CFAP299: variants seen among roughly 807,000 people sequenced by gnomAD.
The protein encoded by CFAP299 is cilia- and flagella-associated protein 299.
CFAP299 carries 21 observed loss-of-function variants against 27.0 expected under a neutral mutation model. The ratio of observed to expected loss-of-function variants is 0.78; its 90% CI spans 0.55 to 1.12. CFAP299 has a LOEUF of 1.12. Ranked by LOEUF, CFAP299 falls within the 50% of genes most tolerant of loss-of-function variation. CFAP299 has a pLI of 0.00. For synonymous variants in CFAP299, 104 were observed against 98.1 expected (o/e 1.06, Z -0.36); for missense variants, 310 against 276.6 (o/e 1.12, Z -0.86).
intron 3 of CFAP299, among the ~76,000 whole-genome samples, chr4:80,697,304 T>G (rs1721165550): frequency 6.6e-6 from 1 of 152,182 alleles, no homozygotes; most frequent in East Asian, 1.9e-4. Flanking sequence ...AAACCTATCT[T>G]TAACCTATCT....
At chr4:80,348,922 C>T (rs1205388857) in intron 1 of CFAP299, among the ~76,000 whole-genome samples, 1 of 152,130 alleles carries the variant, frequency 6.6e-6, no homozygotes, top group Admixed American at 6.5e-5. Flanking sequence ...CATGAGTGCA[C>T]ATAATTTATT....
At position 80,628,103 on chromosome 4, in the gene CFAP299, A is replaced by T. The variant is rs529564978; in HGVS notation, c.333+44920A>T. ...CAAAATATGTTACAAAGCTATAGTGACCAAAACAGCATGGTACTGGCATAA... is the reference window on the plus strand; with the variant it reads ...CAAAATATGTTACAAAGCTATAGTGTCCAAAACAGCATGGTACTGGCATAA... On this transcript the variant is annotated intron_variant, in intron 3 of 5. Transcript: ENST00000358105. Among the ~76,000 whole-genome samples the T allele has an allele frequency of 2.2e-3, 328 of 152,240 alleles. 2 individuals are homozygous for T. Among genetic ancestry groups the T allele is most frequent in the Middle Eastern group, 0.014 (4 of 294 alleles).
At chr4:80,470,805 T>C (rs1729956147) in intron 2 of CFAP299, among the ~76,000 whole-genome samples, 1 of 152,054 alleles carries the variant, frequency 6.6e-6, no homozygotes, top group Non-Finnish European at 1.5e-5. Flanking sequence ...ACTGAGAAAA[T>C]AGGATAGGGT....
intron 3 of CFAP299, among the ~76,000 whole-genome samples, chr4:80,738,443 A>G (rs1264038561): frequency 6.6e-6 from 1 of 152,064 alleles, no homozygotes; most frequent in Non-Finnish European, 1.5e-5. Flanking sequence ...TAAGATCACT[A>G]TATCCTCTGG....
chr4:80,493,844 C>T (rs370767619), intron 2 of CFAP299, among the ~76,000 whole-genome samples: 17 of 136,824 alleles, frequency 1.2e-4, no homozygotes, highest in Middle Eastern at 3.6e-3. Flanking sequence ...GGCGCAATCT[C>T]GGCTCACTAC....
intron 3 of CFAP299, among the ~76,000 whole-genome samples, chr4:80,650,203 T>C (rs1300047728): frequency 6.6e-6 from 1 of 152,092 alleles, no homozygotes; most frequent in African/African-American, 2.4e-5. Context: ...AATTATACTT[T>C]TTGTGCATTG....
At chr4:80,705,893 C>T (rs1171269474) in intron 3 of CFAP299, among the ~76,000 whole-genome samples, 1 of 151,784 alleles carries the variant, frequency 6.6e-6, no homozygotes, top group Non-Finnish European at 1.5e-5. Flanking sequence ...TTTATCTCCA[C>T]TATGATTGTT....
intron 5 of CFAP299, among the ~76,000 whole-genome samples, chr4:80,957,470 G>A (rs1738127956): frequency 6.6e-6 from 1 of 152,080 alleles, no homozygotes; most frequent in Admixed American, 6.6e-5. Flanking sequence ...ATATGGCAAA[G>A]ATTTTTAACT....
At chr4:80,578,120 A>T (rs906273265) in intron 2 of CFAP299, among the ~76,000 whole-genome samples, 2 of 152,216 alleles carry the variant, frequency 1.3e-5, no homozygotes, top group Admixed American at 1.3e-4. Context: ...GTGGAGTATG[A>T]ACAATAAAGA....
intron 3 of CFAP299, among the ~76,000 whole-genome samples, chr4:80,759,399 G>A (rs932659850): frequency 6.6e-6 from 1 of 152,140 alleles, no homozygotes; most frequent in African/African-American, 2.4e-5. Context: ...AGCTTTAAAT[G>A]CCCTGGTTGT....
chr4:80,453,996 T>A (rs1729026562), intron 2 of CFAP299, among the ~76,000 whole-genome samples: 1 of 152,070 alleles, frequency 6.6e-6, no homozygotes, highest in South Asian at 2.1e-4. Context: ...AGCATACTGA[T>A]CACGTGTTGT....
At chr4:80,363,080 G>A (rs1161636676) in intron 2 of CFAP299, among the ~76,000 whole-genome samples, 196 bp downstream of exon 2, 6 of 152,122 alleles carry the variant, frequency 3.9e-5, no homozygotes, top group Admixed American at 2.0e-4. Context: ...GCAACTTCAA[G>A]CTACTAATTT....
chr4:80,608,496 C>T (rs558948394), intron 3 of CFAP299: 1 of 567,214 alleles, frequency 1.8e-6, no homozygotes, highest in South Asian at 2.8e-5. Context: ...GAATTACTCA[C>T]CAGCTTGATG....
chr4:80,397,275 T>A (rs1395072454), intron 2 of CFAP299, among the ~76,000 whole-genome samples: 1 of 152,200 alleles, frequency 6.6e-6, no homozygotes, highest in Non-Finnish European at 1.5e-5. Context: ...CTCTCTTTTC[T>A]TCTTTATTGG....
intron 2 of CFAP299, among the ~76,000 whole-genome samples, chr4:80,547,908 C>T (rs1734320016): frequency 1.3e-5 from 2 of 152,076 alleles, no homozygotes; most frequent in South Asian, 4.2e-4. Context: ...GAAAAGGGAA[C>T]ACCTATACTC....
intron 4 of CFAP299, among the ~76,000 whole-genome samples, chr4:80,902,334 T>C (rs934927955): frequency 1.6e-4 from 24 of 147,224 alleles, no homozygotes; most frequent in Admixed American, 9.6e-4. Flanking sequence ...GATTATTATT[T>C]TATCCATATA....
At chr4:80,327,251 T>C in the CFAP299 span, among the ~76,000 whole-genome samples, 1 of 152,066 alleles carries the variant, frequency 6.6e-6, no homozygotes. Context: ...GAAGGAGAGA[T>C]GGCATTCTAG....
At chr4:80,826,088 G>A (rs563849480) in intron 3 of CFAP299, among the ~76,000 whole-genome samples, 1 of 151,940 alleles carries the variant, frequency 6.6e-6, no homozygotes, top group African/African-American at 2.4e-5. Context: ...AATGAAAGGA[G>A]TGAGGATGAA....
intron 4 of CFAP299, chr4:80,870,797 T>G: frequency 2.0e-6 from 2 of 985,248 alleles, no homozygotes; most frequent in Non-Finnish European, 2.4e-6. Context: ...ACTGCTGTAT[T>G]CAGATCATTA....
Sources: gnomAD v4.1 joint callset for allele counts (sites outside exome capture counted in the v4.1 genomes callset) on GRCh38, gnomAD v4.1.1 for gene constraint, MANE v1.5 for transcripts, NCBI Gene and HGNC (gene_info 2026-07-23, HGNC 2026-07-21) for gene names.